ADGRB3: variants seen among roughly 807,000 people sequenced by gnomAD.
ADGRB3 encodes the protein brain-specific angiogenesis inhibitor 3.
Under a neutral mutation model 193.4 loss-of-function variants are expected in ADGRB3, and 37 were observed. That is an observed-to-expected ratio of 0.19 (90% CI 0.15 to 0.25). ADGRB3 has a LOEUF of 0.25. Ranked by LOEUF, ADGRB3 falls within the 10% of genes least tolerant of loss-of-function variation. The pLI is 1.00. For missense variants in ADGRB3, 1,637 were observed against 1,852.9 expected (o/e 0.88, Z 2.14); for synonymous variants, 690 against 644.2 (o/e 1.07, Z -1.08).
chr6:69,111,457 G>A (rs1773363876), intron 17 of ADGRB3, among the ~76,000 whole-genome samples: 1 of 152,166 alleles, frequency 6.6e-6, no homozygotes, highest in East Asian at 1.9e-4. Context: ...CCTGTTTGCT[G>A]CCTGTCATTA....
intron 3 of ADGRB3, among the ~76,000 whole-genome samples, chr6:68,859,369 C>A (rs778334820): frequency 2.6e-5 from 4 of 152,178 alleles, no homozygotes; most frequent in Non-Finnish European, 5.9e-5. Flanking sequence ...CTGCCTGTTA[C>A]CCAGTTCCAA....
intron 16 of ADGRB3, among the ~76,000 whole-genome samples, chr6:69,066,263 C>T (rs1771902262): frequency 6.6e-6 from 1 of 151,264 alleles, no homozygotes; most frequent in African/African-American, 2.4e-5. Flanking sequence ...AGAAATGACA[C>T]ATCTCTAATA....
chr6:68,640,390 T>C lies in ADGRB3; in HGVS notation c.757+958T>C, dbSNP rs932831219. On this transcript the variant is annotated intron_variant, in intron 3 of 31. Coordinates refer to ENST00000370598, the MANE Select transcript of ADGRB3 (RefSeq NM_001704.3). ...ACCAGAGGATTTGAGATTGTGATTA[T>C]GTTTAATAATGCAAGACAGCGTGAC... Among the ~76,000 whole-genome samples, 6 of 152,360 alleles carry C rather than the reference T, an allele frequency of 3.9e-5. No individual in the cohort carries two copies. The Middle Eastern group carries it at 0.01, about 259-fold the overall frequency.
chr6:69,232,392 G>A (rs1481217323), intron 17 of ADGRB3: 126 of 1,422,488 alleles, frequency 8.9e-5, no homozygotes, highest in Non-Finnish European at 1.1e-4. Flanking sequence ...TTCTGCTGGG[G>A]TGGGAAATAA....
chr6:69,318,505 T>C (rs1180878888), intron 20 of ADGRB3, among the ~76,000 whole-genome samples: 1 of 151,406 alleles, frequency 6.6e-6, no homozygotes, highest in African/African-American at 2.4e-5. Context: ...ACATTTATGT[T>C]TGTAAGTGGA....
chr6:69,140,855 A>G (rs867761612), intron 17 of ADGRB3, among the ~76,000 whole-genome samples: 1 of 152,064 alleles, frequency 6.6e-6, no homozygotes, highest in Non-Finnish European at 1.5e-5. Context: ...AGTTAAGAGT[A>G]ATTCATTTCA....
At chr6:68,941,876 C>A (rs952793497) in intron 5 of ADGRB3, among the ~76,000 whole-genome samples, 28 of 149,948 alleles carry the variant, frequency 1.9e-4, no homozygotes, top group Non-Finnish European at 3.6e-4. Flanking sequence ...GTATATGCAT[C>A]TTTTATATAT....
At position 69,354,233 on chromosome 6, in the gene ADGRB3, G is replaced by T; in HGVS notation, c.3460G>T (p.Val1154Phe). Residue 1154 changes from valine (V) to phenylalanine (F), a missense_variant and splice_region_variant, in exon 27 of 32, where the codon GTT becomes TTT. By Grantham distance (50) the Val-to-Phe change is conservative. Coordinates refer to ENST00000370598, the MANE Select transcript of ADGRB3 (RefSeq NM_001704.3). ...VMVHCILRRE[V>F]QDAFRCRLRN... ...ATTAATGTGTTCCCCCTCCCCACAG[G>T]TTCAGGATGCATTTAGATGCCGATT... The T allele has an allele frequency of 6.2e-7, 1 of 1,612,388 alleles. No homozygotes were observed. The highest frequency in any genetic ancestry group is 8.5e-7 in the Non-Finnish European group (1 of 1,178,566).
intron 3 of ADGRB3, among the ~76,000 whole-genome samples, chr6:68,720,840 T>C: frequency 6.6e-6 from 1 of 151,786 alleles, no homozygotes; most frequent in East Asian, 1.9e-4. Context: ...GTTTCTGCTG[T>C]TACCTTTCAG....
intron 20 of ADGRB3, among the ~76,000 whole-genome samples, chr6:69,311,105 G>A (rs576606912): frequency 3.1e-4 from 47 of 151,812 alleles, no homozygotes; most frequent in African/African-American, 1.1e-3. Flanking sequence ...CAGAATAAGG[G>A]ATTTGCTACA....
intron 17 of ADGRB3, among the ~76,000 whole-genome samples, chr6:69,084,074 C>T (rs570812120): frequency 9.1e-4 from 138 of 152,210 alleles, no homozygotes; most frequent in African/African-American, 3.3e-3. Flanking sequence ...TATGCCTGGT[C>T]TTAATTAACT....
At chr6:68,929,068 A>C (rs927314458) in intron 3 of ADGRB3, among the ~76,000 whole-genome samples, 5 of 152,280 alleles carry the variant, frequency 3.3e-5, no homozygotes, top group African/African-American at 1.2e-4. Context: ...CATACAGCAC[A>C]CATAACTGAA....
chr6:69,232,687 C>A, intron 17 of ADGRB3: 1 of 1,399,444 alleles, frequency 7.1e-7, no homozygotes, highest in Non-Finnish European at 9.7e-7. Flanking sequence ...TCGGAACCAG[C>A]TGATGCCGCT....
At chr6:68,835,774 C>T (rs13204246) in intron 3 of ADGRB3, among the ~76,000 whole-genome samples, 40,495 of 151,892 alleles carry the variant, frequency 0.27, 6,477 homozygotes, top group Middle Eastern at 0.5. Flanking sequence ...GTTTTTTTCT[C>T]ATATTTTTCT....
chr6:68,998,799 G>A (rs1481551805), intron 11 of ADGRB3, among the ~76,000 whole-genome samples: 2 of 152,154 alleles, frequency 1.3e-5, no homozygotes, highest in African/African-American at 2.4e-5. Flanking sequence ...TGCAACATAT[G>A]CAGCTGTACC....
intron 17 of ADGRB3, among the ~76,000 whole-genome samples, chr6:69,204,214 C>T (rs1010327071): frequency 6.6e-6 from 1 of 152,120 alleles, no homozygotes; most frequent in Non-Finnish European, 1.5e-5. Context: ...AGCCCAAAGT[C>T]CTCAAAATGT....
chr6:69,022,427 G>A (rs983845424), intron 13 of ADGRB3, among the ~76,000 whole-genome samples: 2 of 151,712 alleles, frequency 1.3e-5, no homozygotes, highest in African/African-American at 4.8e-5. Flanking sequence ...ATTTTTCAAT[G>A]AAAATATTAT....
rs928572184 is a variant in ADGRB3 at position 69,360,927 on chromosome 6, G to A, written c.3654G>A (p.Arg1218=). Reference sequence around the variant, plus strand: ...CCACAATAACAGGAACACTTTCTAGGATTTCTCTAAATGATGATGAAGAAG... The same window carrying A: ...CCACAATAACAGGAACACTTTCTAGAATTTCTCTAAATGATGATGAAGAAG... ...RAATITGTLS[R]ISLNDDEEEK... The change falls in exon 29 of 32, where the codon AGG becomes AGA. Residue 1218 remains arginine, a synonymous_variant. Transcript: ENST00000370598. 2 of 1,612,204 alleles carry A rather than the reference G, an allele frequency of 1.2e-6. No homozygotes were observed.
chr6:68,877,717 G>A (rs1315482897), intron 3 of ADGRB3, among the ~76,000 whole-genome samples: 5 of 152,034 alleles, frequency 3.3e-5, no homozygotes. Flanking sequence ...TTACATTTAT[G>A]TATAGTGAGA....
Sources: gnomAD v4.1 joint callset for allele counts (sites outside exome capture counted in the v4.1 genomes callset) on GRCh38, gnomAD v4.1.1 for gene constraint, MANE v1.5 for transcripts, NCBI Gene and HGNC (gene_info 2026-07-23, HGNC 2026-07-21) for gene names.